PCDHGA11: variants seen among roughly 807,000 people sequenced by gnomAD.
The protein encoded by PCDHGA11 is protocadherin gamma subfamily A, 11.
In PCDHGA11, 39 loss-of-function variants were observed where a neutral mutation model predicts 60.4. The observed-to-expected ratio is 0.65, with a 90% confidence interval of 0.50 to 0.84. The LOEUF (loss-of-function observed/expected upper bound fraction) is 0.84. Among genes scored for constraint, PCDHGA11 ranks in the 40% least tolerant of loss-of-function variants. The pLI is 0.00. For missense variants in PCDHGA11, 1,165 were observed against 1,197.7 expected, an observed-to-expected ratio of 0.97 and a Z score of 0.40; for synonymous variants, 533 against 510.3, an observed-to-expected ratio of 1.04 and a Z score of -0.60.
In PCDHGA11 at chr5:141,477,029, A is replaced by C; in HGVS notation, c.2434-17778A>C. 6.2e-7 allele frequency: 1 copy of C among 1,614,238 alleles called. No homozygotes were observed. The highest frequency in any genetic ancestry group is 8.5e-7 in the Non-Finnish European group (1 of 1,180,040). Reference sequence around the variant, plus strand: ...CTTAGACCTTGTAACCGGGATGCTGACAATCAAGGGTCGGCTGGACTTCGA... The same window carrying C: ...CTTAGACCTTGTAACCGGGATGCTGCCAATCAAGGGTCGGCTGGACTTCGA... On this transcript the variant is annotated intron_variant, in intron 1 of 3. Transcript: ENST00000398587. This position sits in a 1 kb window ranked among gnomAD's most constrained non-coding sequence, Gnocchi z 4.9.
Position 141,485,156 on chromosome 5 carries a change from A to G in PCDHGA11, c.2434-9651A>G. The G allele has an allele frequency of 6.3e-7, 1 of 1,599,118 alleles. No homozygotes were observed. The highest frequency in any genetic ancestry group is 8.6e-7 in the Non-Finnish European group (1 of 1,168,318). On this transcript the variant is annotated intron_variant, in intron 1 of 3. Transcript: ENST00000398587. The surrounding 1 kb of genome is among the most constrained non-coding windows in gnomAD (Gnocchi z 5.7). ...ATCCGCGTCTCAGGAGCAAGTAGAG[A>G]ATTAGCGGGCGGCAGCAATGCTCCG... is the stretch of plus-strand genomic sequence containing the variant.
At chr5:141,464,680 A>G (rs747974832) in intron 1 of PCDHGA11, among the ~76,000 whole-genome samples, 3 of 152,144 alleles carry the variant, frequency 2.0e-5, no homozygotes, top group Non-Finnish European at 4.4e-5. Flanking sequence ...TTTTAATTAA[A>G]ATTTCTCTTA....
rs999687684 is a variant in PCDHGA11 at position 141,431,598 on chromosome 5, C to G, written c.2433+7938C>G. 1 of 1,614,074 alleles carries G rather than the reference C, an allele frequency of 6.2e-7. No individual in the cohort carries two copies. The highest frequency in any genetic ancestry group is 1.3e-5 in the African/African-American group (1 of 74,938). On this transcript the variant is annotated intron_variant, in intron 1 of 3. Transcript: ENST00000398587. This position sits in a 1 kb window ranked among gnomAD's most constrained non-coding sequence, Gnocchi z 4.8. ...GGAGTCAATGCGGAAGTGAGGTATT[C>G]CTTCCGGTATGTGGACGACAAGGCG...
chr5:141,425,795 T>A (rs2096894407), intron 1 of PCDHGA11, among the ~76,000 whole-genome samples: 1 of 152,244 alleles, frequency 6.6e-6, no homozygotes, highest in Non-Finnish European at 1.5e-5. Flanking sequence ...TTCCAATATG[T>A]GCATTGCTTC....
intron 1 of PCDHGA11, among the ~76,000 whole-genome samples, chr5:141,468,247 C>T (rs925455907): frequency 6.7e-6 from 1 of 149,930 alleles, no homozygotes; most frequent in Non-Finnish European, 1.5e-5. Flanking sequence ...ATTGCCTGAA[C>T]CTGGGAGGCA....
In PCDHGA11 at chr5:141,511,269, C is replaced by A; in HGVS notation, c.*96C>A. The A allele has an allele frequency of 1.3e-6, 2 of 1,546,672 alleles. No homozygotes were observed. Among genetic ancestry groups the A allele is most frequent in the Non-Finnish European group, 1.7e-6 (2 of 1,145,264 alleles). The stretch of plus-strand genomic sequence containing the variant: ...AGGCCTCAGAGTTTCAGGGCTAACC[C>A]CCAGAATACTGGTAGGGGCCAAGGC... On this transcript the variant is annotated 3_prime_UTR_variant, in exon 4 of 4. Transcript: ENST00000398587.
chr5:141,467,693 G>A lies in PCDHGA11; in HGVS notation c.2434-27114G>A, dbSNP rs543886467. Among the ~76,000 whole-genome samples the A allele has an allele frequency of 2.0e-4, 30 of 152,110 alleles. No individual in the cohort carries two copies. In the South Asian group the frequency reaches 5.6e-3, roughly 28 times the overall value. On this transcript the variant is annotated intron_variant, in intron 1 of 3. Transcript: ENST00000398587. ...TTTTATTTTTTTTAGACAGGGTCTGGCTCTGTTGCCCAGGCTGGAGTGTAG... is the reference window on the plus strand; with the variant it reads ...TTTTATTTTTTTTAGACAGGGTCTGACTCTGTTGCCCAGGCTGGAGTGTAG...
rs1348297963 is a variant in PCDHGA11, at chr5:141,487,103, G to A, written c.2434-7704G>A. 6.2e-7 allele frequency: 1 copy of A among 1,614,124 alleles called. No individual in the cohort carries two copies. Among genetic ancestry groups the A allele is most frequent in the Non-Finnish European group, 8.5e-7 (1 of 1,180,000 alleles). On this transcript the variant is annotated intron_variant, in intron 1 of 3. Coordinates refer to ENST00000398587, the MANE Select transcript of PCDHGA11 (RefSeq NM_018914.3). The surrounding 1 kb of genome is among the most constrained non-coding windows in gnomAD (Gnocchi z 5.0). ...AGCTGACCTCCCACCACAGAAGCTG[G>A]TCATTGTGGTAAAGGATAGTGGTAG...
chr5:141,490,948 G>T lies in PCDHGA11; in HGVS notation c.2434-3859G>T. 1 of 1,613,756 alleles carries T rather than the reference G, an allele frequency of 6.2e-7. No homozygotes were observed. The highest frequency in any genetic ancestry group is 8.5e-7 in the Non-Finnish European group (1 of 1,179,810). On this transcript the variant is annotated intron_variant, in intron 1 of 3. Coordinates refer to ENST00000398587, the MANE Select transcript of PCDHGA11 (RefSeq NM_018914.3). The surrounding 1 kb of genome is among the most constrained non-coding windows in gnomAD (Gnocchi z 5.4). The stretch of plus-strand genomic sequence containing the variant: ...CCCAGCTGTGCTGCACCCACGGCCA[G>T]ACTGGGAACACTCAGCCCCCCAGCG...
chr5:141,499,689 C>CTTTTTTTT (rs545067566), intron 2 of PCDHGA11, among the ~76,000 whole-genome samples: 2 of 119,854 alleles, frequency 1.7e-5, no homozygotes, highest in Non-Finnish European at 1.7e-5. Context: ...TAACAGATGA[C>CTTTTTTTT]TTTTTTTTTT....
rs767448191 is a variant in PCDHGA11, at chr5:141,423,341, TC to T, written c.2116del (p.Leu706TrpfsTer37). The T allele has an allele frequency of 1.1e-4, 181 of 1,614,176 alleles. No homozygotes were observed. Among genetic ancestry groups the T allele is most frequent in the Admixed American group, 2.7e-4 (16 of 60,032 alleles). On this transcript the variant is annotated frameshift_variant, in exon 1 of 4. Coordinates refer to ENST00000398587, the MANE Select transcript of PCDHGA11 (RefSeq NM_018914.3). LOFTEE classifies it high-confidence loss of function. ...VVAVAAVSCI[F>X]LVFVIVLLAL... The stretch of plus-strand genomic sequence containing the variant: ...GCGGTGGCCGCAGTCTCCTGCATCT[TC>T]CTGGTCTTTGTCATCGTGCTGCTGG...
rs1419985074 is a variant in PCDHGA11, at chr5:141,431,009, T to C, written c.2433+7349T>C. On this transcript the variant is annotated intron_variant, in intron 1 of 3. Transcript: ENST00000398587. The surrounding 1 kb of genome is among the most constrained non-coding windows in gnomAD (Gnocchi z 4.8). ...CGCCCTGAATCCGCGCAGCGGCAGC[T>C]TGGTCACGGCGGGCAGGATAGACCG... The C allele has an allele frequency of 3.7e-6, 6 of 1,613,884 alleles. No individual in the cohort carries two copies. Among genetic ancestry groups the C allele is most frequent in the Non-Finnish European group, 5.1e-6 (6 of 1,179,984 alleles).
intron 1 of PCDHGA11, chr5:141,433,370 T>TCTAA (rs1466476027): frequency 1.8e-6 from 1 of 554,768 alleles, no homozygotes; most frequent in African/African-American, 1.9e-5. Context: ...TATCTATCTA[T>TCTAA]CTATCTATCT....
chr5:141,454,917 C>T (rs1185153715), intron 1 of PCDHGA11, among the ~76,000 whole-genome samples: 1 of 149,330 alleles, frequency 6.7e-6, no homozygotes, highest in Non-Finnish European at 1.5e-5. Flanking sequence ...ACGCCATTCT[C>T]CTGCCTCAGC....
At chr5:141,504,306 G>A (rs2099837315) in intron 2 of PCDHGA11, among the ~76,000 whole-genome samples, 1 of 152,076 alleles carries the variant, frequency 6.6e-6, no homozygotes, top group South Asian at 2.1e-4. Context: ...AACACTCGGA[G>A]TTTCTAAAAG....
At position 141,477,592 on chromosome 5, in the gene PCDHGA11, T is replaced by G; in HGVS notation, c.2434-17215T>G. On this transcript the variant is annotated intron_variant, in intron 1 of 3. Coordinates refer to ENST00000398587, the MANE Select transcript of PCDHGA11 (RefSeq NM_018914.3). The surrounding 1 kb of genome is among the most constrained non-coding windows in gnomAD (Gnocchi z 4.9). ...CCGACGCCCCGCAGAATGCTCGGCT[T>G]TCTTTCTTTCTCTTGGAGCAAGGAG... The G allele has an allele frequency of 6.2e-7, 1 of 1,614,142 alleles. No homozygotes were observed. Among genetic ancestry groups the G allele is most frequent in the Non-Finnish European group, 8.5e-7 (1 of 1,180,014 alleles).
Position 141,477,704 on chromosome 5 carries a change from C to T in PCDHGA11, c.2434-17103C>T, listed in dbSNP as rs772195653. 30 of 1,613,968 alleles carry T rather than the reference C, an allele frequency of 1.9e-5. No homozygotes were observed. Among genetic ancestry groups the T allele is most frequent in the Admixed American group, 6.7e-5 (4 of 60,026 alleles). On this transcript the variant is annotated intron_variant, in intron 1 of 3. Transcript: ENST00000398587. This position sits in a 1 kb window ranked among gnomAD's most constrained non-coding sequence, Gnocchi z 4.9. Reference sequence around the variant, plus strand: ...CTTAGTGCCCCTAGACTATGAGGATCGGCGGGAATTTGAATTAACAGCTCA... The same window carrying T: ...CTTAGTGCCCCTAGACTATGAGGATTGGCGGGAATTTGAATTAACAGCTCA...
At position 141,477,529 on chromosome 5, in the gene PCDHGA11, C is replaced by G; in HGVS notation, c.2434-17278C>G. ...ACGTTTACATTGAAGAAAACAACCT[C>G]CCCGGGGCTCCAATACTAAACCTAA... On this transcript the variant is annotated intron_variant, in intron 1 of 3. Transcript: ENST00000398587. The surrounding 1 kb of genome is among the most constrained non-coding windows in gnomAD (Gnocchi z 4.9). 6.2e-7 allele frequency: 1 copy of G among 1,614,172 alleles called. No homozygotes were observed. The highest frequency in any genetic ancestry group is 8.5e-7 in the Non-Finnish European group (1 of 1,180,032).
intron 1 of PCDHGA11, among the ~76,000 whole-genome samples, chr5:141,480,875 T>C (rs1285607270): frequency 6.6e-6 from 1 of 152,062 alleles, no homozygotes; most frequent in African/African-American, 2.4e-5. Context: ...TGAAACCCCG[T>C]CTCTACTAAA....
Sources: gnomAD v4.1 joint callset for allele counts (sites outside exome capture counted in the v4.1 genomes callset) on GRCh38, gnomAD v4.1.1 for gene constraint, Gnocchi (gnomAD v3.1) non-coding constraint, MANE v1.5 for transcripts, NCBI Gene and HGNC (gene_info 2026-07-23, HGNC 2026-07-21) for gene names.